The following LHFPL3 variants were observed in gnomAD, a reference collection of about 807,000 sequenced individuals.
LHFPL3 encodes the protein LHFPL tetraspan subfamily member 3, also known as LHFPL tetraspan subfamily member 3 protein.
LHFPL3 carries 5 observed loss-of-function variants against 19.3 expected under a neutral mutation model. The ratio of observed to expected loss-of-function variants is 0.26; its 90% confidence interval spans 0.14 to 0.54. The LOEUF is 0.54. Among genes scored for constraint, LHFPL3 ranks in the 20% least tolerant of loss-of-function variants. The pLI, the probability that LHFPL3 is intolerant of heterozygous loss-of-function variation, is 0.94. For missense variants in LHFPL3, 249 were observed against 307.4 expected (o/e 0.81, Z 1.42); for synonymous variants, 133 against 126.2 (o/e 1.05, Z -0.36).
chr7:104,495,623 T>C (rs1428351743), intron 1 of LHFPL3, among the ~76,000 whole-genome samples: 1 of 152,204 alleles, frequency 6.6e-6, no homozygotes, highest in African/African-American at 2.4e-5. Flanking sequence ...GACCTCATGA[T>C]CTGCCCGCCT....
chr7:104,696,987 T>G (rs1793008731), intron 1 of LHFPL3, among the ~76,000 whole-genome samples: 1 of 152,126 alleles, frequency 6.6e-6, no homozygotes, highest in Non-Finnish European at 1.5e-5. Flanking sequence ...ACAGGCAGAT[T>G]TAGTGTCTGG....
chr7:104,556,362 A>C (rs1367537719), intron 1 of LHFPL3, among the ~76,000 whole-genome samples: 2 of 152,196 alleles, frequency 1.3e-5, no homozygotes, highest in East Asian at 3.9e-4. Flanking sequence ...AAATCTAGGC[A>C]GAGGTTCCCA....
intron 2 of LHFPL3, among the ~76,000 whole-genome samples, chr7:104,762,796 A>G (rs551330286): frequency 3.3e-5 from 5 of 152,194 alleles, no homozygotes; most frequent in Non-Finnish European, 7.3e-5. Context: ...AAGATTTCAC[A>G]TCTTGCATAA....
chr7:104,415,834 G>GT (rs1791610028), intron 1 of LHFPL3, among the ~76,000 whole-genome samples: 2 of 152,186 alleles, frequency 1.3e-5, no homozygotes, highest in Non-Finnish European at 2.9e-5. Flanking sequence ...AAGGGCTATA[G>GT]TTGGCTACAG....
chr7:104,837,225 C>T (rs772233451), intron 2 of LHFPL3, among the ~76,000 whole-genome samples: 1 of 152,202 alleles, frequency 6.6e-6, no homozygotes, highest in African/African-American at 2.4e-5. Context: ...TGTCCATGTG[C>T]CATTACCCTG....
intron 1 of LHFPL3, among the ~76,000 whole-genome samples, chr7:104,654,373 C>A (rs1013908737): frequency 2.6e-5 from 4 of 152,046 alleles, no homozygotes; most frequent in African/African-American, 9.7e-5. Context: ...AGATGAGCTG[C>A]CAGAAATTAA....
At chr7:104,846,346 G>A (rs975260713) in intron 2 of LHFPL3, among the ~76,000 whole-genome samples, 3 of 152,204 alleles carry the variant, frequency 2.0e-5, no homozygotes, top group African/African-American at 7.2e-5. Context: ...AGTTTCTGTT[G>A]TGTGTTGAAT....
intron 2 of LHFPL3, among the ~76,000 whole-genome samples, chr7:104,793,730 C>T (rs373810549): frequency 2.0e-5 from 3 of 152,254 alleles, no homozygotes; most frequent in East Asian, 3.9e-4. Context: ...TATAGAGCTG[C>T]CAACTTGATT....
intron 1 of LHFPL3, among the ~76,000 whole-genome samples, chr7:104,430,435 T>TATACATGTATATATATATATATATACAC (rs1562895298): frequency 9.8e-4 from 14 of 14,244 alleles, no homozygotes; most frequent in African/African-American, 2.0e-3. Context: ...TATATATATA[T>TATACATGTATATATATATATATATACAC]ATATATATAT....
chr7:104,357,888 A>G (rs941168337), intron 1 of LHFPL3, among the ~76,000 whole-genome samples: 1 of 152,170 alleles, frequency 6.6e-6, no homozygotes, highest in African/African-American at 2.4e-5. Context: ...AAATACCTAT[A>G]TGGCAACAGC....
chr7:104,651,362 A>T (rs922419812), intron 1 of LHFPL3, among the ~76,000 whole-genome samples: 4 of 152,240 alleles, frequency 2.6e-5, no homozygotes, highest in Non-Finnish European at 5.9e-5. Flanking sequence ...GCCGGAATGC[A>T]TCGTAAGCTG....
intron 1 of LHFPL3, among the ~76,000 whole-genome samples, chr7:104,572,087 T>C (rs1790241324): frequency 6.6e-6 from 1 of 152,226 alleles, no homozygotes; most frequent in Non-Finnish European, 1.5e-5. Flanking sequence ...TCAAAAGATA[T>C]ATCACCTGAC....
At chr7:104,468,886 C>T (rs144646297) in intron 1 of LHFPL3, among the ~76,000 whole-genome samples, 2,719 of 152,170 alleles carry the variant, frequency 0.018, 79 homozygotes, top group African/African-American at 0.062. Flanking sequence ...GTCTTGAACT[C>T]CTGACCTCAT....
chr7:104,868,755 C>G (rs1457645674), intron 2 of LHFPL3, among the ~76,000 whole-genome samples: 5 of 152,170 alleles, frequency 3.3e-5, no homozygotes, highest in Non-Finnish European at 7.3e-5. Context: ...CAAAAAAGAG[C>G]CCGCATTGCC....
At chr7:104,434,236 T>C (rs1040870294) in intron 1 of LHFPL3, among the ~76,000 whole-genome samples, 2 of 152,218 alleles carry the variant, frequency 1.3e-5, no homozygotes, top group Admixed American at 6.5e-5. Context: ...ATGATAGAGC[T>C]AGGGCATAAA....
chr7:104,415,756 A>G (rs975388610), intron 1 of LHFPL3, among the ~76,000 whole-genome samples: 9 of 152,206 alleles, frequency 5.9e-5, no homozygotes, highest in African/African-American at 1.7e-4. Context: ...CAACAGACAT[A>G]TATCCAATTT....
intron 1 of LHFPL3, among the ~76,000 whole-genome samples, chr7:104,585,383 G>A (rs762860788): frequency 6.6e-6 from 1 of 151,736 alleles, no homozygotes; most frequent in African/African-American, 2.4e-5. Context: ...TTCAGCATTC[G>A]TCATCATCCC....
intron 1 of LHFPL3, among the ~76,000 whole-genome samples, chr7:104,411,254 G>A (rs1479359326): frequency 6.6e-6 from 1 of 152,020 alleles, no homozygotes; most frequent in African/African-American, 2.4e-5. Flanking sequence ...TAATAATGTT[G>A]ATCATTTATC....
chr7:104,464,524 A>G (rs1055684028), intron 1 of LHFPL3, among the ~76,000 whole-genome samples: 1 of 152,238 alleles, frequency 6.6e-6, no homozygotes, highest in African/African-American at 2.4e-5. Flanking sequence ...TTCTGCCTGG[A>G]CATCCAGGCA....
Sources: allele counts gnomAD v4.1 joint callset (sites outside exome capture counted in the v4.1 genomes callset), GRCh38; gene constraint gnomAD v4.1.1; transcripts MANE v1.5; gene names NCBI Gene and HGNC (gene_info 2026-07-23, HGNC 2026-07-21).